Variants in DOCK2 observed in about 807,000 individuals in gnomAD.
DOCK2 encodes dedicator of cytokinesis protein 2.
A neutral mutation model predicts 248.9 loss-of-function variants in DOCK2; 87 were observed. That is an observed-to-expected ratio of 0.35 (90% CI 0.29 to 0.42). The LOEUF (loss-of-function observed/expected upper bound fraction) is 0.42. Among genes scored for constraint, DOCK2 ranks in the 10% least tolerant of loss-of-function variants. DOCK2 has a pLI of 1.00. For synonymous variants in DOCK2, 805 were observed against 821.6 expected (o/e 0.98, Z 0.35); for missense variants, 1,747 against 2,300.2 (o/e 0.76, Z 4.92).
intron 38 of DOCK2, among the ~76,000 whole-genome samples, chr5:170,044,912 G>A (rs1037954063): frequency 3.3e-5 from 5 of 151,970 alleles, no homozygotes; most frequent in African/African-American, 7.3e-5. Flanking sequence ...GCCAGCCTCC[G>A]GTCCACCCTG....
chr5:169,809,024 C>T, intron 26 of DOCK2, among the ~76,000 whole-genome samples: 1 of 151,694 alleles, frequency 6.6e-6, no homozygotes, highest in East Asian at 1.9e-4. Flanking sequence ...TAAGGTCTCA[C>T]TCTGTTGCCC....
chr5:169,929,587 A>T (rs538662516), intron 27 of DOCK2, among the ~76,000 whole-genome samples: 1 of 151,940 alleles, frequency 6.6e-6, no homozygotes, highest in Admixed American at 6.6e-5. Context: ...CAACAACAAC[A>T]ACAAAATTAG....
chr5:169,768,813 T>A (rs1428952104), intron 25 of DOCK2, among the ~76,000 whole-genome samples: 3 of 152,228 alleles, frequency 2.0e-5, no homozygotes, highest in Admixed American at 2.0e-4. Flanking sequence ...GTACCTTACA[T>A]GCCCTTGCAA....
chr5:169,684,738 C>A (rs1048264979), intron 8 of DOCK2, among the ~76,000 whole-genome samples: 1 of 152,214 alleles, frequency 6.6e-6, no homozygotes, highest in Admixed American at 6.5e-5. Flanking sequence ...TAGACTTGAA[C>A]TCCTAGGCTC....
At chr5:169,876,051 T>C (rs765088237) in intron 27 of DOCK2, among the ~76,000 whole-genome samples, 10 of 152,200 alleles carry the variant, frequency 6.6e-5, no homozygotes, top group Non-Finnish European at 1.0e-4. Context: ...AAACATCCCT[T>C]GCCTTCTCTC....
chr5:169,714,597 C>T (rs1287814404), intron 19 of DOCK2, 140 bp downstream of exon 19: 1 of 841,796 alleles, frequency 1.2e-6, no homozygotes, highest in Non-Finnish European at 1.8e-6. Flanking sequence ...CCCGAGTTGC[C>T]TTGAGGAATC....
intron 27 of DOCK2, among the ~76,000 whole-genome samples, chr5:169,859,455 T>C (rs950713263): frequency 6.6e-6 from 1 of 152,256 alleles, no homozygotes; most frequent in Non-Finnish European, 1.5e-5. Context: ...CCGCACTTTT[T>C]CTTGCAAGCA....
chr5:169,662,456 T>G (rs1758496917), intron 2 of DOCK2, among the ~76,000 whole-genome samples: 1 of 152,204 alleles, frequency 6.6e-6, no homozygotes, highest in Non-Finnish European at 1.5e-5. Context: ...AAGTTTTTAG[T>G]AGTCAGGATT....
intron 44 of DOCK2, among the ~76,000 whole-genome samples, chr5:170,066,376 C>T (rs1023002333): frequency 6.6e-6 from 1 of 152,132 alleles, no homozygotes; most frequent in Non-Finnish European, 1.5e-5. Context: ...AACACATATA[C>T]ACCCAATGTT....
intron 27 of DOCK2, among the ~76,000 whole-genome samples, chr5:169,888,299 C>G (rs1339050825): frequency 6.6e-6 from 1 of 152,172 alleles, no homozygotes; most frequent in Non-Finnish European, 1.5e-5. Flanking sequence ...TTTCCCTAGG[C>G]ATTGGTGGTT....
intron 26 of DOCK2, among the ~76,000 whole-genome samples, chr5:169,821,688 G>A (rs417141): frequency 0.16 from 24,084 of 152,120 alleles, 2,609 homozygotes; most frequent in African/African-American, 0.31. Context: ...AAAGCCCATC[G>A]ATGCTAGGAA....
At chr5:169,674,864 T>C (rs750566620) in intron 6 of DOCK2, among the ~76,000 whole-genome samples, 2 of 152,168 alleles carry the variant, frequency 1.3e-5, no homozygotes, top group Non-Finnish European at 2.9e-5. Context: ...CTAACTCAAA[T>C]GCACAATTAC....
intron 50 of DOCK2, chr5:170,080,580 A>G (rs1159947987): frequency 1.9e-5 from 6 of 313,316 alleles, no homozygotes; most frequent in Non-Finnish European, 2.1e-5. Flanking sequence ...GTTCTCAGTT[A>G]GCCAGGCCTC....
chr5:169,728,373 G>T (rs1762598476), intron 22 of DOCK2, among the ~76,000 whole-genome samples: 2 of 152,154 alleles, frequency 1.3e-5, no homozygotes, highest in African/African-American at 2.4e-5. Flanking sequence ...CACAAGGTGA[G>T]TAATACTATA....
intron 1 of DOCK2, among the ~76,000 whole-genome samples, chr5:169,650,004 A>G (rs1361707376): frequency 6.6e-6 from 1 of 152,090 alleles, no homozygotes; most frequent in African/African-American, 2.4e-5. Context: ...GGGTTTCACC[A>G]TGTTGGCCAG....
chr5:169,883,097 T>G, intron 27 of DOCK2: 2 of 1,551,642 alleles, frequency 1.3e-6, no homozygotes, highest in Non-Finnish European at 8.7e-7. Flanking sequence ...GTGCCTGGTG[T>G]GTGGCTGGCA....
intron 46 of DOCK2, 162 bp from the exon 47 acceptor site, chr5:170,075,785 A>G (rs1337891157): frequency 3.3e-6 from 3 of 915,782 alleles, no homozygotes; most frequent in African/African-American, 3.3e-5. Context: ...AACTTTCCCC[A>G]TTTCCCATGG....
chr5:169,861,126 G>C (rs1771172061), intron 27 of DOCK2, among the ~76,000 whole-genome samples: 1 of 152,016 alleles, frequency 6.6e-6, no homozygotes, highest in Admixed American at 6.6e-5. Flanking sequence ...GGACACGCGG[G>C]GCTTCATGTG....
chr5:169,650,705 A>T (rs576338287), intron 1 of DOCK2, among the ~76,000 whole-genome samples: 9 of 152,274 alleles, frequency 5.9e-5, no homozygotes, highest in Non-Finnish European at 8.8e-5. Flanking sequence ...CAGTGACCCA[A>T]GATGGCTCCA....
Sources: allele counts gnomAD v4.1 joint callset (sites outside exome capture counted in the v4.1 genomes callset), GRCh38; gene constraint gnomAD v4.1.1; transcripts MANE v1.5; gene names NCBI Gene and HGNC (gene_info 2026-07-23, HGNC 2026-07-21).